Variants in SORBS3 observed in about 807,000 individuals in gnomAD.
The protein encoded by SORBS3 is vinexin.
A neutral mutation model predicts 98.0 loss-of-function variants in SORBS3; 69 were observed. The ratio of observed to expected loss-of-function variants is 0.70; its 90% CI spans 0.58 to 0.86. The LOEUF (loss-of-function observed/expected upper bound fraction) is 0.86. SORBS3 is among the 40% of genes least tolerant of loss of function. The pLI is 0.00. For synonymous variants in SORBS3, 394 were observed against 355.4 expected (o/e 1.11, Z -1.22); for missense variants, 954 against 908.5 (o/e 1.05, Z -0.64).
At chr8:22,572,583 G>A in intron 20 of SORBS3, 137 bp downstream of exon 20, 2 of 707,376 alleles carry the variant, frequency 2.8e-6, no homozygotes, top group South Asian at 1.7e-5. Flanking sequence ...GCTACTGGGG[G>A]GGCCTGGCAC....
rs375556253 is a variant in SORBS3, at chr8:22,571,461, G to A, written c.1743+240G>A. ...CCGGCCCAGGCTCCTGACCCTGGGTGTTCTTGGTTCATCCATGCTGGCGTC... is the reference window on the plus strand; with the variant it reads ...CCGGCCCAGGCTCCTGACCCTGGGTATTCTTGGTTCATCCATGCTGGCGTC... On this transcript the variant is annotated intron_variant, in intron 18 of 20. Transcript: ENST00000240123. Among the ~76,000 whole-genome samples the A allele has an allele frequency of 3.9e-5, 6 of 152,206 alleles. No homozygotes were observed. The East Asian group carries it at 7.7e-4, about 20-fold the overall frequency.
chr8:22,549,101 A>G (rs1586884609), upstream of SORBS3, among the ~76,000 whole-genome samples: 1 of 152,210 alleles, frequency 6.6e-6, no homozygotes, highest in African/African-American at 2.4e-5. Context: ...GGTAGCTGGG[A>G]AAACAGGGCA....
At chr8:22,572,193 C>T (rs984819404) in intron 19 of SORBS3, 147 bp from the exon 20 acceptor site, 15 of 687,262 alleles carry the variant, frequency 2.2e-5, no homozygotes, top group African/African-American at 7.1e-5. Flanking sequence ...GGAAAGACTA[C>T]GGTGAGCACA....
At chr8:22,560,358 G>A (rs1840267056) in intron 5 of SORBS3, among the ~76,000 whole-genome samples, 2 of 152,080 alleles carry the variant, frequency 1.3e-5, no homozygotes, top group Admixed American at 1.3e-4. Flanking sequence ...CACCTAGGGA[G>A]ATAGAGAGAC....
At chr8:22,556,199 C>T (rs897676196) in intron 3 of SORBS3, among the ~76,000 whole-genome samples, 6 of 152,204 alleles carry the variant, frequency 3.9e-5, no homozygotes, top group African/African-American at 1.2e-4. Flanking sequence ...GAGAGCCTCT[C>T]GACTGTGTGC....
In SORBS3 at chr8:22,554,194, T is replaced by TC; in HGVS notation, c.-55-253dup. 1 of 173,794 alleles carries TC rather than the reference T, an allele frequency of 5.8e-6. No individual in the cohort carries two copies. The highest frequency in any genetic ancestry group is 1.1e-5 in the Non-Finnish European group (1 of 89,452). The allele number at this position is 173,794 out of a possible 1,614,324, so 10.8% of individuals were successfully genotyped here. ...CCCCTCCCCTCCTCCTCACCCAAGCTCCCCCTCCCCCACTCCCACCCGGAG... is the reference window on the plus strand; with the variant it reads ...CCCCTCCCCTCCTCCTCACCCAAGCTCCCCCCTCCCCCACTCCCACCCGGAG... On this transcript the variant is annotated intron_variant, in intron 1 of 20. Coordinates refer to ENST00000240123, the MANE Select transcript of SORBS3 (RefSeq NM_005775.5). This position sits in a 1 kb window ranked among gnomAD's most constrained non-coding sequence, Gnocchi z 6.5.
In SORBS3 at chr8:22,554,402, T is replaced by A; in HGVS notation, c.-55-50T>A. 6.6e-7 allele frequency: 1 copy of A among 1,504,844 alleles called. No individual in the cohort carries two copies. The highest frequency in any genetic ancestry group is 8.8e-7 in the Non-Finnish European group (1 of 1,133,408). 93.2% of individuals were successfully genotyped at this position (1,504,844 alleles called of 1,614,324 possible). ...ATCCCAGGGTCGAGCCAAGAGGGCA[T>A]GGGCAGCCTAGCCTAGCAGGGCTTT... On this transcript the variant is annotated intron_variant, in intron 1 of 20. Coordinates refer to ENST00000240123, the MANE Select transcript of SORBS3 (RefSeq NM_005775.5). The surrounding 1 kb of genome is among the most constrained non-coding windows in gnomAD (Gnocchi z 6.5).
At chr8:22,566,744 G>A in intron 14 of SORBS3, 31 bp downstream of exon 14, 1 of 1,612,862 alleles carries the variant, frequency 6.2e-7, no homozygotes, top group Non-Finnish European at 8.5e-7. Context: ...GGGGGACCTG[G>A]AGTGGTCCCA....
At chr8:22,565,954 G>C (rs1369731996) in intron 12 of SORBS3, 82 bp downstream of exon 12, 7 of 981,352 alleles carry the variant, frequency 7.1e-6, no homozygotes, top group Middle Eastern at 3.7e-4. Context: ...CGGGGCGGAC[G>C]GGGGCGATCG....
intron 3 of SORBS3, among the ~76,000 whole-genome samples, chr8:22,556,094 A>G (rs1049129804): frequency 6.6e-6 from 1 of 152,196 alleles, no homozygotes; most frequent in Non-Finnish European, 1.5e-5. Context: ...CAAAGCCCTT[A>G]TTCTGCTGCC....
intron 6 of SORBS3, chr8:22,561,626 T>C: frequency 1.6e-6 from 1 of 611,288 alleles, no homozygotes; most frequent in Non-Finnish European, 2.9e-6. Context: ...CCTTTCCTCA[T>C]CTATAAGATG....
At position 22,566,417 on chromosome 8, in the gene SORBS3, C is replaced by T; in HGVS notation, c.1023C>T (p.His341=). ...YLGSARSLSP[H]KMADGGSPFL... The stretch of plus-strand genomic sequence containing the variant: ...GTTCCGCCCGGTCCCTGAGTCCCCA[C>T]AAAATGGCTGATGGAGGAAGCCCCT... The change falls in exon 13 of 21, where the codon CAC becomes CAT. Residue 341 remains histidine, a synonymous_variant. Transcript: ENST00000240123. 1.2e-6 allele frequency: 2 copies of T among 1,614,104 alleles called. No individual in the cohort carries two copies. The highest frequency in any genetic ancestry group is 8.5e-7 in the Non-Finnish European group (1 of 1,180,000).
chr8:22,557,867 GA>G (rs373563040), intron 4 of SORBS3, among the ~76,000 whole-genome samples: 1 of 152,142 alleles, frequency 6.6e-6, no homozygotes, highest in African/African-American at 2.4e-5. Context: ...AAAGCAAAGA[GA>G]AAAAATGTAA....
chr8:22,573,268 C>A, intron 20 of SORBS3: 1 of 451,808 alleles, frequency 2.2e-6, no homozygotes. Flanking sequence ...CTTGGAGATG[C>A]ATTCAAATTT....
At chr8:22,547,445 AG>A (rs1455192473), upstream of SORBS3, among the ~76,000 whole-genome samples, 1 of 152,184 alleles carries the variant, frequency 6.6e-6, no homozygotes, top group African/African-American at 2.4e-5. Flanking sequence ...ATTAAGGCGA[AG>A]GTTCATCATA....
chr8:22,549,287 A>G (rs1175684662), upstream of SORBS3, among the ~76,000 whole-genome samples: 1 of 152,124 alleles, frequency 6.6e-6, no homozygotes, highest in Non-Finnish European at 1.5e-5. Flanking sequence ...AAGGAAAGGA[A>G]TCTGTTCTGT....
Position 22,571,715 on chromosome 8 carries a change from C to T in SORBS3, c.1744-3C>T, listed in dbSNP as rs771441604. 3.1e-6 allele frequency: 5 copies of T among 1,612,096 alleles called. No individual in the cohort carries two copies. The Admixed American group carries it at 8.3e-5, about 27-fold the overall frequency. ...ACATCCCTTTCTTCCTGTCAACTCC[C>T]AGAATCTTGGCACCCCTGGTCCAGC... On this transcript the variant is annotated splice_region_variant and splice_polypyrimidine_tract_variant and intron_variant, in intron 18 of 20. Coordinates refer to ENST00000240123, the MANE Select transcript of SORBS3 (RefSeq NM_005775.5).
intron 1 of SORBS3, among the ~76,000 whole-genome samples, chr8:22,553,042 T>G (rs1404977387): frequency 1.3e-5 from 2 of 151,994 alleles, no homozygotes; most frequent in Non-Finnish European, 2.9e-5. Context: ...CAGCCTTGGC[T>G]ACACCCTCGC....
chr8:22,559,250 G>T (rs1348464262), intron 5 of SORBS3, among the ~76,000 whole-genome samples: 2 of 152,204 alleles, frequency 1.3e-5, no homozygotes, highest in Admixed American at 6.5e-5. Flanking sequence ...GGTAGCAGTG[G>T]CCCTGGTGGG....
Sources: gnomAD v4.1 joint callset for allele counts (sites outside exome capture counted in the v4.1 genomes callset) on GRCh38, gnomAD v4.1.1 for gene constraint, Gnocchi (gnomAD v3.1) non-coding constraint, MANE v1.5 for transcripts, NCBI Gene and HGNC (gene_info 2026-07-23, HGNC 2026-07-21) for gene names.